The following ADAP1 variants were observed in gnomAD, a reference collection of about 807,000 sequenced individuals.
ADAP1 encodes arf-GAP with dual PH domain-containing protein 1.
In ADAP1, 31 loss-of-function variants were observed where a neutral mutation model predicts 54.9. That is an observed-to-expected ratio of 0.56 (90% confidence interval 0.42 to 0.76). ADAP1 has a LOEUF of 0.76. Among genes scored for constraint, ADAP1 ranks in the 30% least tolerant of loss-of-function variants. The pLI is 0.00. For missense variants in ADAP1, 535 were observed against 512.4 expected (o/e 1.04, Z -0.42); for synonymous variants, 313 against 202.6 (o/e 1.55, Z -4.63).
intron 8 of ADAP1, 129 bp downstream of exon 8, chr7:899,972 AG>A (rs1335685284): frequency 8.1e-6 from 9 of 1,116,624 alleles, no homozygotes; most frequent in Non-Finnish European, 1.2e-5. Flanking sequence ...GGCACAGACA[AG>A]GGGCTGTGAG....
intron 4 of ADAP1, among the ~76,000 whole-genome samples, chr7:914,581 C>T (rs1030557446): frequency 6.6e-6 from 1 of 152,096 alleles, no homozygotes; most frequent in African/African-American, 2.4e-5. Context: ...TGGGGAGGCT[C>T]GGGGGGTCCC....
Position 906,696 on chromosome 7 carries a change from TGGA to T in ADAP1, c.389-1527_389-1525del, listed in dbSNP as rs1562915238. 3.0e-3 allele frequency among the ~76,000 whole-genome samples: 76 copies of T among 25,042 alleles called. 9 individuals are homozygous for T. Among genetic ancestry groups the T allele is most frequent in the African/African-American group, 0.016 (73 of 4,620 alleles). 16.4% of individuals were successfully genotyped at this position (25,042 alleles called of 152,430 possible). ...ACATGGACAGGGGACACGGGGGACA[TGGA>T]CATGGGGGACGGGACATCGGGGACG... is the stretch of plus-strand genomic sequence containing the variant. On this transcript the variant is annotated intron_variant, in intron 4 of 10. Transcript: ENST00000265846.
chr7:923,268 G>A (rs532632006), intron 3 of ADAP1: 3 of 152,186 alleles, frequency 2.0e-5, no homozygotes, highest in South Asian at 4.1e-4. Context: ...TCCACGGGGG[G>A]CTTGCTGGGG....
chr7:905,051 G>C lies in ADAP1; in HGVS notation c.501+9C>G. 1.2e-6 allele frequency: 2 copies of C among 1,608,558 alleles called. No homozygotes were observed. Among genetic ancestry groups the C allele is most frequent in the East Asian group, 2.2e-5 (1 of 44,874 alleles). On this transcript the variant is annotated intron_variant, in intron 5 of 10. Transcript: ENST00000265846. ...ACAGGCCCCCACCCCACCCCCGTCT[G>C]TGACTCACATCATTTCTGTTGAAAT...
intron 6 of ADAP1, among the ~76,000 whole-genome samples, chr7:903,049 G>A (rs1844900169): frequency 6.6e-6 from 1 of 152,166 alleles, no homozygotes; most frequent in Non-Finnish European, 1.5e-5. Flanking sequence ...CTCCACCCAG[G>A]AACCAGATGA....
chr7:919,658 G>A (rs1485989864), intron 4 of ADAP1, among the ~76,000 whole-genome samples: 1 of 105,768 alleles, frequency 9.5e-6, no homozygotes, highest in Non-Finnish European at 1.9e-5. Flanking sequence ...GACACAGAGA[G>A]ATAAAGAGAG....
At chr7:932,552 T>G (rs997392001) in intron 2 of ADAP1, among the ~76,000 whole-genome samples, 1 of 152,182 alleles carries the variant, frequency 6.6e-6, no homozygotes, top group Non-Finnish European at 1.5e-5. Flanking sequence ...TCCCATCATC[T>G]TTCTGACATT....
intron 4 of ADAP1, among the ~76,000 whole-genome samples, chr7:911,792 G>A (rs1216018071): frequency 2.0e-5 from 3 of 146,384 alleles, no homozygotes; most frequent in African/African-American, 7.6e-5. Context: ...GGGGTCCCAC[G>A]GAGGGCCAGG....
chr7:904,308 C>T (rs200768051), intron 5 of ADAP1, 36 bp from the exon 6 acceptor site: 26 of 1,531,800 alleles, frequency 1.7e-5, no homozygotes, highest in African/African-American at 2.8e-5. Flanking sequence ...CTCACAGGGG[C>T]CGTCGTCCAA....
rs1554271712 is a variant in ADAP1 at position 905,365 on chromosome 7, G to GGAAAGGAGAAAGGA, written c.389-194_389-193insTCCTTTCTCCTTTC. The GGAAAGGAGAAAGGA allele has an allele frequency of 5.3e-5, 7 of 131,588 alleles. 1 individual carries two copies. The highest frequency in any genetic ancestry group is 1.7e-4 in the African/African-American group (1 of 5,828). The allele number at this position is 131,588 out of a possible 1,614,324, so 8.2% of individuals were successfully genotyped here. A position where few individuals can be genotyped will look rare whatever the true frequency, so the allele number is the denominator to read the frequency against. On this transcript the variant is annotated intron_variant, in intron 4 of 10. Transcript: ENST00000265846. ...GAGATAGGAAGATGGGCAGGGAAAG[G>GGAAAGGAGAAAGGA]GAAAGGGAAAGGAGAAAGGAGAAAG...
chr7:953,775 G>A (rs997843027), intron 1 of ADAP1, among the ~76,000 whole-genome samples: 1 of 152,238 alleles, frequency 6.6e-6, no homozygotes, highest in Non-Finnish European at 1.5e-5. Context: ...CCGAGTCAGG[G>A]ATGCCCGGCC....
At chr7:903,965 C>A in intron 6 of ADAP1, 161 bp downstream of exon 6, 2 of 932,106 alleles carry the variant, frequency 2.1e-6, no homozygotes, top group Non-Finnish European at 3.1e-6. Context: ...GTCCAAGCAC[C>A]CGCCTTCCCA....
chr7:918,826 G>C (rs1353370792), intron 4 of ADAP1, among the ~76,000 whole-genome samples: 1 of 152,220 alleles, frequency 6.6e-6, no homozygotes, highest in East Asian at 1.9e-4. Context: ...ACCTCCTACA[G>C]AGCAGACAGG....
At chr7:929,289 CT>C (rs1403802223) in intron 2 of ADAP1, among the ~76,000 whole-genome samples, 65 of 146,344 alleles carry the variant, frequency 4.4e-4, no homozygotes, top group African/African-American at 1.4e-3. Flanking sequence ...GAGACTCCAT[CT>C]CAAAAAAAAA....
chr7:935,484 G>A lies in ADAP1; in HGVS notation c.104C>T (p.Thr35Ile). 1 of 1,563,626 alleles carries A rather than the reference G, an allele frequency of 6.4e-7. No homozygotes were observed. The highest frequency in any genetic ancestry group is 1.4e-5 in the African/African-American group (1 of 73,556). The change falls in exon 2 of 11, where the codon ACT becomes ATT. Residue 35 changes from threonine (T) to isoleucine (I), a missense_variant. Coordinates refer to ENST00000265846, the MANE Select transcript of ADAP1 (RefSeq NM_006869.4). ...GCTCAGGCAGATGAAGACGCCCAGAGTGTAGGAGGCCCAGTCGGGATCTGC... is the reference window on the plus strand; with the variant it reads ...GCTCAGGCAGATGAAGACGCCCAGAATGTAGGAGGCCCAGTCGGGATCTGC... ...GAPDPDWASY[T>I]LGVFICLSCS...
rs746388819 is a variant in ADAP1 at position 905,028 on chromosome 7, A to G, written c.501+32T>C. ...GGAGGCCGGGATGCCGCCCTGGGAC[A>G]GGCCCCCACCCCACCCCCGTCTGTG... On this transcript the variant is annotated intron_variant, in intron 5 of 10. Coordinates refer to ENST00000265846, the MANE Select transcript of ADAP1 (RefSeq NM_006869.4). The G allele has an allele frequency of 3.2e-6, 5 of 1,584,968 alleles. No homozygotes were observed. The Admixed American group carries it at 6.7e-5, about 21-fold the overall frequency.
intron 4 of ADAP1, among the ~76,000 whole-genome samples, chr7:915,346 C>T (rs1845891556): frequency 6.6e-6 from 1 of 152,332 alleles, no homozygotes; most frequent in East Asian, 1.9e-4. Flanking sequence ...CACACCCATC[C>T]AGGGGAGAGA....
chr7:903,773 T>A (rs980840781), intron 6 of ADAP1, among the ~76,000 whole-genome samples: 1 of 152,068 alleles, frequency 6.6e-6, no homozygotes. Context: ...CGAGGTCCCC[T>A]CTGGGCATTG....
upstream of ADAP1, chr7:954,844 A>AT: frequency 1.8e-6 from 1 of 549,108 alleles, no homozygotes; most frequent in Non-Finnish European, 2.3e-6. Context: ...CCCGCCCCCC[A>AT]TCCGCGCGCA....
Sources: allele counts gnomAD v4.1 joint callset (sites outside exome capture counted in the v4.1 genomes callset), GRCh38; gene constraint gnomAD v4.1.1; transcripts MANE v1.5; gene names NCBI Gene and HGNC (gene_info 2026-07-23, HGNC 2026-07-21).